The following CEP85L variants were observed in gnomAD, a reference collection of about 807,000 sequenced individuals.
The protein encoded by CEP85L is centrosomal protein of 85 kDa-like.
CEP85L carries 60 observed loss-of-function variants against 100.3 expected under a neutral mutation model. The observed-to-expected ratio is 0.60, with a 90% CI of 0.49 to 0.74. The LOEUF (loss-of-function observed/expected upper bound fraction) is 0.74. CEP85L is among the 30% of genes least tolerant of loss of function. The probability of loss-of-function intolerance (pLI) is 0.00; values close to 1 mark genes in which losing one functional copy is unlikely to be tolerated. For synonymous variants in CEP85L, 319 were observed against 322.7 expected (o/e 0.99, Z 0.12); for missense variants, 973 against 936.2 (o/e 1.04, Z -0.51).
intron 12 of CEP85L, among the ~76,000 whole-genome samples, 156 bp downstream of exon 12, chr6:118,468,916 A>G (rs953088375): frequency 1.3e-5 from 2 of 152,230 alleles, no homozygotes; most frequent in African/African-American, 4.8e-5. Context: ...CACTTCTTGC[A>G]ATGAAGTAAT....
At chr6:118,535,448 T>C (rs1777536658) in intron 3 of CEP85L, among the ~76,000 whole-genome samples, 1 of 152,228 alleles carries the variant, frequency 6.6e-6, no homozygotes, top group South Asian at 2.1e-4. Context: ...TGTAGTAAAA[T>C]GATCCTCATA....
chr6:118,540,176 A>C (rs1489366565), intron 3 of CEP85L, among the ~76,000 whole-genome samples: 1 of 152,110 alleles, frequency 6.6e-6, no homozygotes, highest in Non-Finnish European at 1.5e-5. Flanking sequence ...AAAAATCCAA[A>C]AGTATTTCCA....
chr6:118,513,913 GTT>G (rs772191814), intron 4 of CEP85L, among the ~76,000 whole-genome samples: 20 of 151,858 alleles, frequency 1.3e-4, no homozygotes, highest in Non-Finnish European at 1.6e-4. Flanking sequence ...ATCATAAATT[GTT>G]TGAGGCAAAA....
chr6:118,567,243 G>A (rs1337832466), intron 2 of CEP85L, among the ~76,000 whole-genome samples: 691 of 30,924 alleles, frequency 0.022, 4 homozygotes, highest in African/African-American at 0.036. Flanking sequence ...GTGTGTGTGT[G>A]TGTGTGTATA....
chr6:118,637,407 T>C (rs1774563710), intron 1 of CEP85L, among the ~76,000 whole-genome samples: 1 of 151,948 alleles, frequency 6.6e-6, no homozygotes, highest in Non-Finnish European at 1.5e-5. Flanking sequence ...ATCATCAAAT[T>C]GTTGTCTAGG....
At chr6:118,517,876 C>T (rs1776375943) in intron 4 of CEP85L, among the ~76,000 whole-genome samples, 1 of 152,138 alleles carries the variant, frequency 6.6e-6, no homozygotes, top group East Asian at 1.9e-4. Context: ...GTGGGTTTGT[C>T]ATAAATAGCT....
At chr6:118,608,112 C>T (rs1245877953) in intron 2 of CEP85L, among the ~76,000 whole-genome samples, 3 of 152,182 alleles carry the variant, frequency 2.0e-5, no homozygotes, top group African/African-American at 7.2e-5. Context: ...AATTATATTA[C>T]AAATATTTGC....
chr6:118,624,898 G>T (rs1773685511), intron 2 of CEP85L, among the ~76,000 whole-genome samples: 1 of 152,188 alleles, frequency 6.6e-6, no homozygotes, highest in Admixed American at 6.5e-5. Flanking sequence ...GGTTACAAAA[G>T]ACTCTTGACT....
chr6:118,651,017 G>A (rs897024314), intron 1 of CEP85L, among the ~76,000 whole-genome samples, 180 bp downstream of exon 1: 1 of 152,168 alleles, frequency 6.6e-6, no homozygotes, highest in African/African-American at 2.4e-5. Flanking sequence ...CGCCTGGGAC[G>A]CGGCAAGCCA....
chr6:118,679,330 A>G (rs72960977), intron 1 of CEP85L, among the ~76,000 whole-genome samples: 6,549 of 152,308 alleles, frequency 0.043, 188 homozygotes, highest in Non-Finnish European at 0.065. Flanking sequence ...AGAATGAACA[A>G]TAAATATGTG....
Position 118,470,562 on chromosome 6 carries a change from T to C in CEP85L, c.1997A>G (p.Gln666Arg), listed in dbSNP as rs745639165. The C allele has an allele frequency of 2.5e-6, 4 of 1,603,276 alleles. No individual in the cohort carries two copies. The Admixed American group carries it at 6.8e-5, about 27-fold the overall frequency. ...TTCAAGCAATGCTTTTGTTAATCTC[T>C]GTACATTTCTTTCTTTCTTTTCCAG... ...EELEKKERNV[Q>R]RLTKALLENQ... The change falls in exon 11 of 13, where the codon CAG becomes CGG. Residue 666 changes from glutamine (Q) to arginine (R), a missense_variant. Physicochemically the swap from Gln to Arg is conservative, Grantham distance 43 (BLOSUM62 1). Around this residue, in one of 3 missense-constraint regions of CEP85L, gnomAD observed 890 missense variants for 844.5 expected, o/e 1.05. Coordinates refer to ENST00000368491, the MANE Select transcript of CEP85L (RefSeq NM_001042475.3).
chr6:118,637,466 C>T (rs1027345460), intron 1 of CEP85L, among the ~76,000 whole-genome samples: 5 of 151,052 alleles, frequency 3.3e-5, no homozygotes, highest in East Asian at 3.9e-4. Context: ...GGGAGGCCAA[C>T]GCTGGCAGAC....
intron 1 of CEP85L, among the ~76,000 whole-genome samples, chr6:118,663,392 A>G (rs1007389125): frequency 2.0e-5 from 3 of 152,196 alleles, no homozygotes; most frequent in African/African-American, 4.8e-5. Flanking sequence ...AATTTTAACA[A>G]TAGAAAAGTA....
intron 3 of CEP85L, among the ~76,000 whole-genome samples, chr6:118,544,720 T>C (rs148678832): frequency 1.3e-5 from 2 of 152,324 alleles, no homozygotes; most frequent in Non-Finnish European, 2.9e-5. Context: ...CTCCAGGTTA[T>C]CTGGCAAATC....
intron 1 of CEP85L, among the ~76,000 whole-genome samples, chr6:118,689,738 T>C (rs62423970): frequency 0.22 from 33,860 of 152,098 alleles, 4,831 homozygotes; most frequent in Non-Finnish European, 0.32. Context: ...ATGAGTACAA[T>C]TCGTTCATTC....
chr6:118,672,624 G>A (rs917214006), intron 1 of CEP85L, among the ~76,000 whole-genome samples: 1 of 152,036 alleles, frequency 6.6e-6, no homozygotes, highest in Non-Finnish European at 1.5e-5. Context: ...AACTTAGCTG[G>A]GCATGGTGGC....
At position 118,523,835 on chromosome 6, in the gene CEP85L, CCTT is replaced by C; in HGVS notation, c.1103_1105del (p.Glu368del). ...TACAATTTCTTTCTGCCTTAGAAGT[CCTT>C]CTTTTATTTTCAACATTGATTCCCA... On this transcript the variant is annotated inframe_deletion, in exon 4 of 13. Coordinates refer to ENST00000368491, the MANE Select transcript of CEP85L (RefSeq NM_001042475.3). 1 of 1,593,026 alleles carries C rather than the reference CCTT, an allele frequency of 6.3e-7. No individual in the cohort carries two copies.
rs1776804319 is a variant in CEP85L at position 118,523,872 on chromosome 6, A to G, written c.1069T>C (p.Phe357Leu). 1 of 1,609,744 alleles carries G rather than the reference A, an allele frequency of 6.2e-7. No homozygotes were observed. The highest frequency in any genetic ancestry group is 1.3e-5 in the African/African-American group (1 of 74,956). Reference sequence around the variant, plus strand: ...TTCAACATTGATTCCCACTTACTGAAATCCTGATAGCCAGGTGAATAACTT... The same window carrying G: ...TTCAACATTGATTCCCACTTACTGAGATCCTGATAGCCAGGTGAATAACTT... The part of the protein sequence containing the change: ...RQSYSPGYQD[F>L]SKWESMLKIK... The change falls in exon 4 of 13, where the codon TTC (phenylalanine) becomes CTC (leucine). Residue 357 changes from phenylalanine to leucine, a missense_variant. This residue lies in a region of CEP85L where 890 missense variants were observed against 844.5 expected (regional missense o/e 1.05). Transcript: ENST00000368491.
At chr6:118,517,073 TTC>T (rs1305126524) in intron 4 of CEP85L, among the ~76,000 whole-genome samples, 6 of 152,216 alleles carry the variant, frequency 3.9e-5, no homozygotes, top group Non-Finnish European at 5.9e-5. Flanking sequence ...ATGATGTTAT[TTC>T]TGAGGCCTCT....
Sources: allele counts gnomAD v4.1 joint callset (sites outside exome capture counted in the v4.1 genomes callset), GRCh38; gene constraint gnomAD v4.1.1; regional missense constraint gnomAD v4.1.1; transcripts MANE v1.5; gene names NCBI Gene and HGNC (gene_info 2026-07-23, HGNC 2026-07-21).